Variants in NAA11 observed in about 807,000 individuals in gnomAD.
NAA11 encodes the protein N-alpha-acetyltransferase 11.
A neutral mutation model predicts 16.1 loss-of-function variants in NAA11; 15 were observed. That is an observed-to-expected ratio of 0.93 (90% CI 0.62 to 1.44). The LOEUF is 1.44. Among genes scored for constraint, NAA11 ranks in the 40% most tolerant of loss-of-function variants. NAA11 has a pLI of 0.00. For missense variants in NAA11, 298 were observed against 291.3 expected, an observed-to-expected ratio of 1.02 and a Z score of -0.17; for synonymous variants, 122 against 112.4, an observed-to-expected ratio of 1.09 and a Z score of -0.54.
chr4:79,264,297 G>A (rs905073519), intron 2 of NAA11, among the ~76,000 whole-genome samples: 1 of 152,060 alleles, frequency 6.6e-6, no homozygotes, highest in East Asian at 1.9e-4. Flanking sequence ...TTCCTTTTGA[G>A]GACTTCTCTC....
downstream of NAA11, among the ~76,000 whole-genome samples, chr4:79,311,867 G>C (rs1480327636): frequency 6.6e-6 from 1 of 152,162 alleles, no homozygotes; most frequent in African/African-American, 2.4e-5. Flanking sequence ...ATATATATTA[G>C]ATTATTGCCT....
At chr4:79,163,218 G>A in the NAA11 span, among the ~76,000 whole-genome samples, 40 of 152,230 alleles carry the variant, frequency 2.6e-4, no homozygotes, top group Middle Eastern at 3.4e-3. Context: ...AGAAGACTTG[G>A]GTCCTAGCTA....
intron 1 of NAA11, among the ~76,000 whole-genome samples, chr4:79,302,826 G>A (rs1216088781): frequency 6.6e-6 from 1 of 151,878 alleles, no homozygotes; most frequent in African/African-American, 2.4e-5. Context: ...AAGAACACTG[G>A]AGGAGGAAAT....
intron 2 of NAA11, among the ~76,000 whole-genome samples, chr4:79,268,601 A>T (rs1302149504): frequency 1.3e-5 from 2 of 152,156 alleles, no homozygotes; most frequent in Non-Finnish European, 2.9e-5. Context: ...TATCTTGGAC[A>T]TCTTTACTTT....
chr4:79,260,077 TTC>T (rs1272625262), intron 2 of NAA11, among the ~76,000 whole-genome samples: 1 of 152,214 alleles, frequency 6.6e-6, no homozygotes, highest in Non-Finnish European at 1.5e-5. Flanking sequence ...CAGTTTTATA[TTC>T]TGTGTTGATT....
chr4:79,298,444 C>T (rs912980410), intron 1 of NAA11, among the ~76,000 whole-genome samples: 1 of 152,202 alleles, frequency 6.6e-6, no homozygotes, highest in African/African-American at 2.4e-5. Flanking sequence ...GTGACTCCCT[C>T]TTTGGGATCC....
intron 2 of NAA11, among the ~76,000 whole-genome samples, chr4:79,292,787 T>G (rs1013021350): frequency 6.6e-6 from 1 of 152,228 alleles, no homozygotes; most frequent in Non-Finnish European, 1.5e-5. Flanking sequence ...TTACCTTTTT[T>G]GCTTTGATCT....
intron 2 of NAA11, among the ~76,000 whole-genome samples, chr4:79,254,325 T>G (rs1722056173): frequency 6.6e-6 from 1 of 152,220 alleles, no homozygotes; most frequent in Admixed American, 6.5e-5. Context: ...TCACTTCCTG[T>G]TGCATCCTCA....
chr4:79,156,712 T>C, the NAA11 span, among the ~76,000 whole-genome samples: 1 of 152,198 alleles, frequency 6.6e-6, no homozygotes, highest in Non-Finnish European at 1.5e-5. Context: ...ACCAGACAGC[T>C]TGACGTAAAA....
chr4:79,246,212 A>C (rs1316122992), intron 2 of NAA11, among the ~76,000 whole-genome samples: 2 of 152,120 alleles, frequency 1.3e-5, no homozygotes, highest in Non-Finnish European at 1.5e-5. Flanking sequence ...CCCTAATCTC[A>C]AGTACCCAGG....
At chr4:79,319,741 T>G (rs1345011560) in intron 1 of NAA11, among the ~76,000 whole-genome samples, 1 of 152,206 alleles carries the variant, frequency 6.6e-6, no homozygotes, top group Non-Finnish European at 1.5e-5. Context: ...CCTCTTTATC[T>G]TCATAGAGTG....
intron 2 of NAA11, among the ~76,000 whole-genome samples, chr4:79,244,315 T>C (rs555398590): frequency 2.8e-4 from 34 of 123,302 alleles, no homozygotes; most frequent in Non-Finnish European, 1.8e-4. Context: ...GTCCGCTTCA[T>C]TGGGCTACTT....
intron 2 of NAA11, among the ~76,000 whole-genome samples, chr4:79,286,361 T>A (rs760905696): frequency 1.3e-5 from 2 of 151,988 alleles, no homozygotes; most frequent in African/African-American, 4.8e-5. Context: ...GCAATGAGGA[T>A]GAGGTGGGCA....
chr4:79,220,437 C>CTGTGTGTGTGTGTGTGTG, the NAA11 span, among the ~76,000 whole-genome samples: 1 of 142,948 alleles, frequency 7.0e-6, no homozygotes, highest in Admixed American at 7.1e-5. Flanking sequence ...GTGTGTGTGT[C>CTGTGTGTGTGTGTGTGTG]TGTGTGTGTG....
intron 2 of NAA11, among the ~76,000 whole-genome samples, chr4:79,228,488 G>A (rs6827253): frequency 0.71 from 108,243 of 151,812 alleles, 40,761 homozygotes; most frequent in East Asian, 0.89. Context: ...GTTCTTTATA[G>A]TCATACCTTC....
intron 2 of NAA11, among the ~76,000 whole-genome samples, chr4:79,264,279 A>G (rs1440647256): frequency 6.6e-6 from 1 of 152,224 alleles, no homozygotes; most frequent in Non-Finnish European, 1.5e-5. Flanking sequence ...CTTAAACTAC[A>G]GGTTCTATTC....
chr4:79,242,515 A>T (rs1279839231), intron 2 of NAA11, among the ~76,000 whole-genome samples: 1 of 152,236 alleles, frequency 6.6e-6, no homozygotes, highest in East Asian at 1.9e-4. Context: ...TGAACCCCAG[A>T]CTTAGAGAAA....
downstream of NAA11, among the ~76,000 whole-genome samples, chr4:79,314,288 C>T (rs1263133503): frequency 6.6e-6 from 1 of 152,138 alleles, no homozygotes; most frequent in Non-Finnish European, 1.5e-5. Flanking sequence ...TATATCTCCT[C>T]TGAATTATTT....
intron 2 of NAA11, among the ~76,000 whole-genome samples, chr4:79,252,987 A>G (rs565470610): frequency 1.3e-5 from 2 of 152,226 alleles, no homozygotes; most frequent in African/African-American, 2.4e-5. Flanking sequence ...TGAATTGTCA[A>G]AGTGAGAGGT....
Sources: gnomAD v4.1 joint callset for allele counts (sites outside exome capture counted in the v4.1 genomes callset) on GRCh38, gnomAD v4.1.1 for gene constraint, MANE v1.5 for transcripts, NCBI Gene and HGNC (gene_info 2026-07-23, HGNC 2026-07-21) for gene names.